The following UGT1A9 variants were observed in gnomAD, a reference collection of about 807,000 sequenced individuals.
UGT1A9 encodes UDP-glucuronosyltransferase 1A9.
A neutral mutation model predicts 45.0 loss-of-function variants in UGT1A9; 35 were observed. The observed-to-expected ratio is 0.78, with a 90% CI of 0.59 to 1.03. The LOEUF is 1.03. Ranked by LOEUF, UGT1A9 falls within the 50% of genes least tolerant of loss-of-function variation. The pLI is 0.00. For synonymous variants in UGT1A9, 278 were observed against 250.6 expected (o/e 1.11, Z -1.03); for missense variants, 687 against 666.6 (o/e 1.03, Z -0.34).
intron 1 of UGT1A9, among the ~76,000 whole-genome samples, chr2:233,714,471 G>A (rs4663945): frequency 0.089 from 13,512 of 152,132 alleles, 752 homozygotes; most frequent in East Asian, 0.2. Flanking sequence ...ATTGTAATAG[G>A]AGAATGTTTC....
chr2:233,771,968 G>A (rs942006859), intron 4 of UGT1A9, among the ~76,000 whole-genome samples: 1 of 152,094 alleles, frequency 6.6e-6, no homozygotes, highest in Non-Finnish European at 1.5e-5. Context: ...TTTAAAAATT[G>A]GCCAGACATA....
chr2:233,755,297 AC>A (rs1695850513), intron 1 of UGT1A9: 1 of 623,324 alleles, frequency 1.6e-6, no homozygotes, highest in Admixed American at 3.1e-5. Context: ...CCTGCGGGGC[AC>A]TGGCACAGCG....
chr2:233,728,928 C>T (rs545859432), intron 1 of UGT1A9, among the ~76,000 whole-genome samples: 7 of 152,102 alleles, frequency 4.6e-5, no homozygotes, highest in African/African-American at 7.2e-5. Context: ...TAGTCATGAT[C>T]GGTCTTTTCC....
chr2:233,702,024 A>C (rs962229706), intron 1 of UGT1A9, among the ~76,000 whole-genome samples: 4 of 152,074 alleles, frequency 2.6e-5, no homozygotes, highest in East Asian at 1.9e-4. Flanking sequence ...TAGAGACACA[A>C]AAAAAAACCC....
intron 1 of UGT1A9, among the ~76,000 whole-genome samples, chr2:233,722,976 C>T (rs1378643600): frequency 1.4e-5 from 2 of 146,460 alleles, no homozygotes; most frequent in Non-Finnish European, 3.0e-5. Context: ...AGGGATTGGT[C>T]CTGCTGTCTC....
chr2:233,725,835 CTATGT>C (rs1185160672), intron 1 of UGT1A9, among the ~76,000 whole-genome samples: 4 of 152,052 alleles, frequency 2.6e-5, no homozygotes, highest in Admixed American at 2.0e-4. Flanking sequence ...ATTGCTACTC[CTATGT>C]TATTTTTTCA....
At chr2:233,718,796 T>A (rs1241026493) in intron 1 of UGT1A9, 7 of 1,613,058 alleles carry the variant, frequency 4.3e-6, no homozygotes, top group Non-Finnish European at 5.1e-6. Flanking sequence ...GGGTGGACAG[T>A]CAGCTGTCGG....
At position 233,773,024 on chromosome 2, in the gene UGT1A9, G is replaced by A. The variant is rs1575873040; in HGVS notation, c.*465G>A. 2 of 199,282 alleles carry A rather than the reference G, an allele frequency of 1.0e-5. No homozygotes were observed. The highest frequency in any genetic ancestry group is 5.3e-5 in the Admixed American group (1 of 18,910). The allele number at this position is 199,282 out of a possible 1,614,324, so 12.3% of individuals were successfully genotyped here. On this transcript the variant is annotated 3_prime_UTR_variant, in exon 5 of 5. Coordinates refer to ENST00000354728, the MANE Select transcript of UGT1A9 (RefSeq NM_021027.3). ...GTGCTTCATAGGTGCCACCTTGTGT[G>A]TTTAAAGAAGGGAAGCTTTGTACCT... is the stretch of plus-strand genomic sequence containing the variant.
intron 1 of UGT1A9, among the ~76,000 whole-genome samples, chr2:233,735,435 G>C (rs2078651212): frequency 6.6e-6 from 1 of 152,062 alleles, no homozygotes; most frequent in South Asian, 2.1e-4. Flanking sequence ...CCTGAATACA[G>C]CATACCGATG....
At chr2:233,753,157 T>C (rs1695143636) in intron 1 of UGT1A9, 2 of 152,228 alleles carry the variant, frequency 1.3e-5, no homozygotes, top group African/African-American at 2.4e-5. Context: ...TAAGTTCCCT[T>C]ATCCGGATCA....
intron 1 of UGT1A9, among the ~76,000 whole-genome samples, chr2:233,757,562 G>GTATATATATATATATATATATACATA (rs1491042837): frequency 1.1e-5 from 1 of 90,870 alleles, no homozygotes; most frequent in Non-Finnish European, 2.1e-5. Flanking sequence ...ATATATATAT[G>GTATATATATATATATATATATACATA]TATATATGAT....
In UGT1A9 at chr2:233,672,207, GGCTTTT is replaced by G. The variant is rs1210122752; in HGVS notation, c.276_281del (p.Phe93_Ala94del). On this transcript the variant is annotated inframe_deletion, in exon 1 of 5. Coordinates refer to ENST00000354728, the MANE Select transcript of UGT1A9 (RefSeq NM_021027.3). ...TGGAGGATCTGGACCGGGAGTTCAA[GGCTTTT>G]GCCCATGCTCAATGGAAAGCACAAG... The G allele has an allele frequency of 6.2e-7, 1 of 1,614,162 alleles. No individual in the cohort carries two copies. The highest frequency in any genetic ancestry group is 1.1e-5 in the South Asian group (1 of 91,084).
In UGT1A9 at chr2:233,767,139, G is replaced by C; in HGVS notation, c.961G>C (p.Asp321His). Residue 321 changes from aspartate to histidine, a missense_variant, in exon 2 of 5, where the codon GAT becomes CAT. Asp to His is a moderately conservative substitution (Grantham distance 81). Transcript: ENST00000354728. Reference protein sequence around the residue: ...IPEKKAMAIADALGKIPQTVL... With the variant: ...IPEKKAMAIAHALGKIPQTVL... Reference sequence around the variant, plus strand: ...AGAGAAGAAAGCTATGGCAATTGCTGATGCTTTGGGCAAAATCCCTCAGAC... The same window carrying C: ...AGAGAAGAAAGCTATGGCAATTGCTCATGCTTTGGGCAAAATCCCTCAGAC... 6.2e-7 allele frequency: 1 copy of C among 1,614,104 alleles called. No individual in the cohort carries two copies. The highest frequency in any genetic ancestry group is 1.7e-4 in the Middle Eastern group (1 of 6,060).
intron 1 of UGT1A9, among the ~76,000 whole-genome samples, chr2:233,763,888 CT>C (rs1451970704): frequency 2.0e-5 from 3 of 152,126 alleles, no homozygotes; most frequent in Non-Finnish European, 1.5e-5. Flanking sequence ...AGAAAAATAA[CT>C]AAACAGAAGA....
intron 1 of UGT1A9, chr2:233,760,671 C>T: frequency 6.2e-7 from 1 of 1,614,146 alleles, no homozygotes; most frequent in Non-Finnish European, 8.5e-7. Context: ...CTGGCTGTTC[C>T]CACTTACTGC....
At chr2:233,766,917 A>C (rs993857330) in intron 1 of UGT1A9, 117 bp from the exon 2 acceptor site, 136 of 1,547,100 alleles carry the variant, frequency 8.8e-5, no homozygotes, top group Admixed American at 4.9e-4. Flanking sequence ...CTCTATCTCA[A>C]ACACGCATGC....
At chr2:233,693,366 T>A (rs141940106) in intron 1 of UGT1A9, 160 of 1,614,102 alleles carry the variant, frequency 9.9e-5, no homozygotes, top group Non-Finnish European at 1.3e-4. Flanking sequence ...GTTATTGGCC[T>A]GTACTTCATC....
In UGT1A9 at chr2:233,729,871, C is replaced by G. The variant is rs752223675; in HGVS notation, c.856-37163C>G. On this transcript the variant is annotated intron_variant, in intron 1 of 4. Coordinates refer to ENST00000354728, the MANE Select transcript of UGT1A9 (RefSeq NM_021027.3). Reference sequence around the variant, plus strand: ...GAGAGAGGTGTCAGTGGTGGATATTCTCAGTCATGCATCTGTGTGGCTGTT... The same window carrying G: ...GAGAGAGGTGTCAGTGGTGGATATTGTCAGTCATGCATCTGTGTGGCTGTT... The G allele has an allele frequency of 1.5e-5, 25 of 1,613,730 alleles. No homozygotes were observed. Among genetic ancestry groups the G allele is most frequent in the African/African-American group, 4.0e-5 (3 of 74,882 alleles).
chr2:233,675,207 A>G (rs2074314536), intron 1 of UGT1A9, among the ~76,000 whole-genome samples: 1 of 152,174 alleles, frequency 6.6e-6, no homozygotes, highest in Admixed American at 6.5e-5. Context: ...CCCGTCTTCA[A>G]TGTCAGGGAT....
Sources: gnomAD v4.1 joint callset for allele counts (sites outside exome capture counted in the v4.1 genomes callset) on GRCh38, gnomAD v4.1.1 for gene constraint, MANE v1.5 for transcripts, NCBI Gene and HGNC (gene_info 2026-07-23, HGNC 2026-07-21) for gene names.